FBXL20: variants seen among roughly 807,000 people sequenced by gnomAD.
FBXL20 encodes the protein F-box/LRR-repeat protein 20.
A neutral mutation model predicts 64.0 loss-of-function variants in FBXL20; 11 were observed. The ratio of observed to expected loss-of-function variants is 0.17; its 90% CI spans 0.11 to 0.28. The LOEUF (loss-of-function observed/expected upper bound fraction) is 0.28, where lower values mean the gene tolerates loss of function less well. Ranked by LOEUF, FBXL20 falls within the 10% of genes least tolerant of loss-of-function variation. The probability of loss-of-function intolerance (pLI) is 1.00; values close to 1 mark genes in which losing one functional copy is unlikely to be tolerated. For missense variants in FBXL20, 303 were observed against 526.2 expected, an observed-to-expected ratio of 0.58 and a Z score of 4.15; for synonymous variants, 184 against 189.0, an observed-to-expected ratio of 0.97 and a Z score of 0.22.
chr17:39,384,450 G>A (rs559606936), intron 1 of FBXL20, among the ~76,000 whole-genome samples: 4 of 151,550 alleles, frequency 2.6e-5, no homozygotes, highest in African/African-American at 7.3e-5. Flanking sequence ...GCTTCAACCC[G>A]GGAGGCAGAG....
intron 2 of FBXL20, among the ~76,000 whole-genome samples, chr17:39,341,690 G>T (rs1057501586): frequency 6.6e-5 from 10 of 152,190 alleles, no homozygotes; most frequent in African/African-American, 2.4e-4. Context: ...AATCTAAGTA[G>T]AAATGTAAGC....
Position 39,299,096 on chromosome 17 carries a change from G to C in FBXL20, c.235-12C>G. On this transcript the variant is annotated splice_polypyrimidine_tract_variant and intron_variant, in intron 4 of 14. Transcript: ENST00000264658. ...TCCACTACTCGGCCCTGTAAAATGA[G>C]ACAGGCAAACAAAAAGATAACCCAC... The C allele has an allele frequency of 6.3e-7, 1 of 1,582,496 alleles. No individual in the cohort carries two copies. The highest frequency in any genetic ancestry group is 8.6e-7 in the Non-Finnish European group (1 of 1,159,896).
intron 6 of FBXL20, among the ~76,000 whole-genome samples, chr17:39,287,266 G>C (rs2046997581): frequency 6.6e-6 from 1 of 152,048 alleles, no homozygotes; most frequent in Non-Finnish European, 1.5e-5. Context: ...ATCTGATACT[G>C]AAATGTGCTA....
chr17:39,264,050 T>TTTC, intron 14 of FBXL20, 125 bp downstream of exon 14: 1 of 1,081,768 alleles, frequency 9.2e-7, no homozygotes, highest in Non-Finnish European at 1.3e-6. Context: ...CTTTTTTCTC[T>TTTC]TTCCCTTGTT....
upstream of FBXL20, chr17:39,402,464 C>G: frequency 2.9e-6 from 1 of 346,930 alleles, no homozygotes. Context: ...GGCTGCGGAG[C>G]TGCACCTGAG....
At chr17:39,312,643 G>C (rs1408795926) in intron 2 of FBXL20, among the ~76,000 whole-genome samples, 2 of 135,146 alleles carry the variant, frequency 1.5e-5, no homozygotes, top group African/African-American at 5.6e-5. Context: ...GCACAAGCTA[G>C]GCTCACTGCA....
intron 1 of FBXL20, among the ~76,000 whole-genome samples, chr17:39,389,176 G>C (rs1363436927): frequency 1.4e-5 from 2 of 148,110 alleles, no homozygotes; most frequent in South Asian, 2.1e-4. Flanking sequence ...CCAGTCAACT[G>C]TGACTAAGAA....
chr17:39,336,057 G>A (rs775875128), intron 2 of FBXL20, among the ~76,000 whole-genome samples: 21 of 151,706 alleles, frequency 1.4e-4, no homozygotes, highest in Non-Finnish European at 2.8e-4. Context: ...AGGAGTTTGG[G>A]ACTGCCATTA....
chr17:39,374,789 C>CTTTTCTTTTT (rs1357322634), intron 1 of FBXL20, among the ~76,000 whole-genome samples: 2 of 151,958 alleles, frequency 1.3e-5, no homozygotes, highest in Non-Finnish European at 2.9e-5. Flanking sequence ...CTTTTCTTTT[C>CTTTTCTTTTT]TTTTCTTTTT....
chr17:39,265,998 C>T (rs1032767926), intron 12 of FBXL20, among the ~76,000 whole-genome samples: 6 of 151,912 alleles, frequency 3.9e-5, no homozygotes, highest in Non-Finnish European at 2.9e-5. Context: ...CCTCCTGCCT[C>T]GCCTCACAGA....
chr17:39,285,511 G>A lies in FBXL20; in HGVS notation c.461C>T (p.Thr154Ile). ...KLRHLDLASC[T>I]SITNMSLKAL... ...TTTTAGAGACATGTTTGTTATTGAT[G>A]TACAGGAAGCCAAGTCAAGGTGCCT... Residue 154 changes from threonine (T) to isoleucine (I), a missense_variant, in exon 7 of 15, where the codon ACA becomes ATA. This residue lies in a region of FBXL20 where 246 missense variants were observed against 422.6 expected (regional missense o/e 0.58). Coordinates refer to ENST00000264658, the MANE Select transcript of FBXL20 (RefSeq NM_032875.3). 1 of 1,602,998 alleles carries A rather than the reference G, an allele frequency of 6.2e-7. No homozygotes were observed. Among genetic ancestry groups the A allele is most frequent in the Non-Finnish European group, 8.5e-7 (1 of 1,174,178 alleles).
Position 39,299,101 on chromosome 17 carries a change from GCAAACAAAAAGATAACC to G in FBXL20, c.235-34_235-18del. 1.3e-6 allele frequency: 2 copies of G among 1,561,374 alleles called. No homozygotes were observed. The highest frequency in any genetic ancestry group is 1.7e-6 in the Non-Finnish European group (2 of 1,143,296). On this transcript the variant is annotated intron_variant, in intron 4 of 14. Coordinates refer to ENST00000264658, the MANE Select transcript of FBXL20 (RefSeq NM_032875.3). ...TACTCGGCCCTGTAAAATGAGACAG[GCAAACAAAAAGATAACC>G]CACCTCATTACTTTAGAAAAGAACA...
chr17:39,278,847 A>G (rs1023814794), intron 9 of FBXL20, among the ~76,000 whole-genome samples: 3 of 150,310 alleles, frequency 2.0e-5, no homozygotes, highest in Non-Finnish European at 4.4e-5. Context: ...GCCTGGTCAC[A>G]TTTCAGTCTT....
At chr17:39,342,674 G>A (rs955848676) in intron 2 of FBXL20, among the ~76,000 whole-genome samples, 11 of 152,212 alleles carry the variant, frequency 7.2e-5, no homozygotes, top group East Asian at 3.9e-4. Flanking sequence ...CTGAGATTGC[G>A]CCACTGCACT....
At chr17:39,374,699 A>G (rs1034872787) in intron 1 of FBXL20, among the ~76,000 whole-genome samples, 1 of 152,240 alleles carries the variant, frequency 6.6e-6, no homozygotes, top group Admixed American at 6.5e-5. Context: ...ACTGAAAATA[A>G]TTCCATTTAC....
chr17:39,401,666 C>G, upstream of FBXL20: 2 of 1,316,338 alleles, frequency 1.5e-6, no homozygotes, highest in Non-Finnish European at 1.9e-6. Context: ...CACTCCCCAC[C>G]TGCCAGCAAC....
intron 2 of FBXL20, among the ~76,000 whole-genome samples, chr17:39,324,237 C>T (rs2047388435): frequency 6.7e-6 from 1 of 149,804 alleles, no homozygotes; most frequent in African/African-American, 2.6e-5. Context: ...CCTACAGATT[C>T]CTCTAGGTGA....
chr17:39,372,373 G>C (rs1323627237), intron 1 of FBXL20, among the ~76,000 whole-genome samples: 3 of 151,328 alleles, frequency 2.0e-5, no homozygotes, highest in Non-Finnish European at 2.9e-5. Context: ...ACAGAAATTA[G>C]CTGGGCATGG....
At chr17:39,328,897 T>A (rs959792115) in intron 2 of FBXL20, among the ~76,000 whole-genome samples, 6 of 151,876 alleles carry the variant, frequency 4.0e-5, no homozygotes, top group Admixed American at 1.3e-4. Flanking sequence ...CTACAAAAAA[T>A]TTAAAAATTA....
Sources: gnomAD v4.1 joint callset for allele counts (sites outside exome capture counted in the v4.1 genomes callset) on GRCh38, gnomAD v4.1.1 for gene constraint, gnomAD v4.1.1 regional missense constraint, MANE v1.5 for transcripts, NCBI Gene and HGNC (gene_info 2026-07-23, HGNC 2026-07-21) for gene names.